GRM4: variants seen among roughly 807,000 people sequenced by gnomAD.
GRM4 encodes the protein glutamate metabotropic receptor 4.
GRM4 carries 28 observed loss-of-function variants against 81.7 expected under a neutral mutation model. The ratio of observed to expected loss-of-function variants is 0.34; its 90% confidence interval spans 0.25 to 0.47. The LOEUF (loss-of-function observed/expected upper bound fraction) is 0.47, where lower values mean the gene tolerates loss of function less well. GRM4 is among the 20% of genes least tolerant of loss of function. The pLI is 1.00. For missense variants in GRM4, 948 were observed against 1,290.0 expected, an observed-to-expected ratio of 0.73 and a Z score of 4.06; for synonymous variants, 488 against 528.8, an observed-to-expected ratio of 0.92 and a Z score of 1.06.
Position 34,072,959 on chromosome 6 carries a change from CAT to C in GRM4, c.737-10933_737-10932del, listed in dbSNP as rs1346145762. 2.3e-5 allele frequency among the ~76,000 whole-genome samples: 3 copies of C among 131,182 alleles called. No homozygotes were observed. The Admixed American group carries it at 2.3e-4, about 10-fold the overall frequency. 86.1% of individuals were successfully genotyped at this position (131,182 alleles called of 152,430 possible). A position where few individuals can be genotyped will look rare whatever the true frequency, so the allele number is the denominator to read the frequency against. ...TCACCACACAGATACACACCACACACATGCATCACCACACAGATACATACCAC... is the reference window on the plus strand; with the variant it reads ...TCACCACACAGATACACACCACACACGCATCACCACACAGATACATACCAC... On this transcript the variant is annotated intron_variant, in intron 3 of 10. Transcript: ENST00000538487.
exon 1 of GRM4, chr6:34,155,385 C>T: frequency 6.7e-7 from 1 of 1,495,636 alleles, no homozygotes; most frequent in Non-Finnish European, 8.9e-7. Context: ...GCTCCCAAGC[C>T]GGCATCCTCC....
At chr6:34,081,511 C>T (rs1415827585) in intron 3 of GRM4, among the ~76,000 whole-genome samples, 5 of 152,214 alleles carry the variant, frequency 3.3e-5, no homozygotes, top group African/African-American at 7.2e-5. Context: ...CAGAAATGTC[C>T]GCATGCACCA....
chr6:34,032,277 T>G (rs1293010457), intron 9 of GRM4, among the ~76,000 whole-genome samples: 1 of 151,958 alleles, frequency 6.6e-6, no homozygotes, highest in Non-Finnish European at 1.5e-5. Context: ...AGCATGTACA[T>G]GCACAGAAAG....
intron 6 of GRM4, among the ~76,000 whole-genome samples, chr6:34,041,175 T>G (rs1581603110): frequency 6.6e-6 from 1 of 152,272 alleles, no homozygotes; most frequent in East Asian, 1.9e-4. Flanking sequence ...GGACAGGGGC[T>G]ATGTCCATCA....
chr6:34,027,165 A>G (rs1764171429), intron 10 of GRM4, among the ~76,000 whole-genome samples: 1 of 152,120 alleles, frequency 6.6e-6, no homozygotes, highest in Admixed American at 6.5e-5. Flanking sequence ...GGAGGACTGG[A>G]AAGAACCAGA....
intron 9 of GRM4, among the ~76,000 whole-genome samples, chr6:34,033,555 G>A (rs564361371): frequency 4.6e-5 from 7 of 152,274 alleles, no homozygotes; most frequent in East Asian, 1.9e-4. Flanking sequence ...CCAAACGGCC[G>A]TTAGGTAAAC....
In GRM4 at chr6:34,069,775, A is replaced by C. The variant is rs2499685; in HGVS notation, c.737-7747T>G. On this transcript the variant is annotated intron_variant, in intron 3 of 10. Coordinates refer to ENST00000538487, the MANE Select transcript of GRM4 (RefSeq NM_000841.4). The surrounding 1 kb of genome is among the most constrained non-coding windows in gnomAD (Gnocchi z 6.4). ...TTACTGCAACATCCAGGACTGCCCC[A>C]GTCCCCACCAGGATCCACCCATCTG... Among the ~76,000 whole-genome samples the C allele has an allele frequency of 1.4e-4, 22 of 151,770 alleles. No individual in the cohort carries two copies. In the South Asian group the frequency reaches 2.5e-3, roughly 17 times the overall value.
chr6:34,090,228 C>T lies in GRM4; in HGVS notation c.736+1655G>A, dbSNP rs577197831. On this transcript the variant is annotated intron_variant, in intron 3 of 10. Transcript: ENST00000538487. The surrounding 1 kb of genome is among the most constrained non-coding windows in gnomAD (Gnocchi z 5.2). ...AGGGCAGGGACTGAACACAACTGAA[C>T]ACGGAGACTCAGGGCCCTTGATCCC... Among the ~76,000 whole-genome samples, 1 of 152,286 alleles carries T rather than the reference C, an allele frequency of 6.6e-6. No individual in the cohort carries two copies. Among genetic ancestry groups the T allele is most frequent in the East Asian group, 1.9e-4 (1 of 5,182 alleles).
At chr6:34,150,270 T>G (rs936358895), upstream of GRM4, among the ~76,000 whole-genome samples, 1 of 152,188 alleles carries the variant, frequency 6.6e-6, no homozygotes, top group Admixed American at 6.5e-5. Flanking sequence ...CTCTGCTAAA[T>G]GCATTCACCC....
intron 3 of GRM4, among the ~76,000 whole-genome samples, chr6:34,079,205 G>A (rs1013836696): frequency 2.6e-5 from 4 of 152,158 alleles, no homozygotes; most frequent in Admixed American, 6.5e-5. Flanking sequence ...CAGCCCACCC[G>A]CCTCACGTCA....
At chr6:34,140,428 C>T (rs2127516150) in intron 1 of GRM4, among the ~76,000 whole-genome samples, 1 of 152,244 alleles carries the variant, frequency 6.6e-6, no homozygotes, top group South Asian at 2.1e-4. Context: ...AGGGTTTGAG[C>T]ACAGCACAGG....
rs1764671050 is a variant in GRM4 at position 34,035,827 on chromosome 6, C to T, written c.2283G>A (p.Met761Ile). 4 of 1,613,542 alleles carry T rather than the reference C, an allele frequency of 2.5e-6. No individual in the cohort carries two copies. Among genetic ancestry groups the T allele is most frequent in the Non-Finnish European group, 3.4e-6 (4 of 1,179,470 alleles). The change falls in exon 9 of 11, where the codon ATG (methionine) becomes ATA (isoleucine). Residue 761 changes from methionine to isoleucine, a missense_variant. Met to Ile is a conservative substitution (Grantham distance 10). Transcript: ENST00000538487. This position sits in a 1 kb window ranked among gnomAD's most constrained non-coding sequence, Gnocchi z 6.6. ...ACACGGTGCACGTGACCATGAGCAG[C>T]ATGCTGTAGCCCAGCAGGCAGATGA... is the stretch of plus-strand genomic sequence containing the variant. The part of the protein sequence containing the change: ...LSLICLLGYS[M>I]LLMVTCTVYA...
Position 34,078,976 on chromosome 6 carries a change from G to T in GRM4, c.736+12907C>A, listed in dbSNP as rs756273155. On this transcript the variant is annotated intron_variant, in intron 3 of 10. Coordinates refer to ENST00000538487, the MANE Select transcript of GRM4 (RefSeq NM_000841.4). This position sits in a 1 kb window ranked among gnomAD's most constrained non-coding sequence, Gnocchi z 4.8. ...GAGAGAGGCCCAGGCGCACCCCCAG[G>T]TCTGAGGCCTCAGAGGCAGCCCCTC... Among the ~76,000 whole-genome samples, 4 of 152,174 alleles carry T rather than the reference G, an allele frequency of 2.6e-5. No homozygotes were observed. The highest frequency in any genetic ancestry group is 5.9e-5 in the Non-Finnish European group (4 of 68,030).
At chr6:34,077,907 G>A (rs935954610) in intron 3 of GRM4, among the ~76,000 whole-genome samples, 8 of 152,098 alleles carry the variant, frequency 5.3e-5, no homozygotes, top group South Asian at 2.1e-4. Flanking sequence ...TGAAAGTTAC[G>A]GGACTAGATG....
chr6:34,031,946 G>A (rs995844413), intron 9 of GRM4, among the ~76,000 whole-genome samples: 10 of 151,536 alleles, frequency 6.6e-5, no homozygotes, highest in Admixed American at 2.6e-4. Flanking sequence ...ATCTGACTCA[G>A]CTGGGCTCTC....
chr6:34,041,293 G>A (rs77985160), intron 6 of GRM4, among the ~76,000 whole-genome samples: 2,202 of 152,308 alleles, frequency 0.014, 26 homozygotes, highest in Non-Finnish European at 0.025. Context: ...CAGAGAGGCT[G>A]AAAGACTGCC....
At chr6:34,103,862 C>T in intron 2 of GRM4, 1 of 1,412,452 alleles carries the variant, frequency 7.1e-7, no homozygotes, top group Non-Finnish European at 9.2e-7. Flanking sequence ...TGCGAGGGTC[C>T]CGAGGGAGAA....
chr6:34,093,052 G>A (rs1445927973), intron 2 of GRM4, among the ~76,000 whole-genome samples: 3 of 152,160 alleles, frequency 2.0e-5, no homozygotes, highest in Admixed American at 6.5e-5. Context: ...CCCTCTGCCC[G>A]CTCAGTTGTC....
chr6:34,154,476 C>T (rs1771106589), intron 1 of GRM4, among the ~76,000 whole-genome samples: 1 of 152,162 alleles, frequency 6.6e-6, no homozygotes, highest in African/African-American at 2.4e-5. Flanking sequence ...TGTGTCCCTT[C>T]CCACCCCATT....
Sources: allele counts gnomAD v4.1 joint callset (sites outside exome capture counted in the v4.1 genomes callset), GRCh38; gene constraint gnomAD v4.1.1; non-coding constraint Gnocchi (gnomAD v3.1); transcripts MANE v1.5; gene names NCBI Gene and HGNC (gene_info 2026-07-23, HGNC 2026-07-21).